PGM2L1: variants seen among roughly 807,000 people sequenced by gnomAD.
PGM2L1 encodes glucose 1,6-bisphosphate synthase.
In PGM2L1, 35 loss-of-function variants were observed where a neutral mutation model predicts 73.4. That is an observed-to-expected ratio of 0.48 (90% CI 0.36 to 0.63). The LOEUF is 0.63. PGM2L1 is among the 30% of genes least tolerant of loss of function. The pLI is 0.00. For missense variants in PGM2L1, 570 were observed against 742.0 expected (o/e 0.77, Z 2.69); for synonymous variants, 225 against 253.8 (o/e 0.89, Z 1.08).
rs191856556 is a variant in PGM2L1, at chr11:74,364,532, C to T, written c.555+3960G>A. Among the ~76,000 whole-genome samples, 1,386 of 152,300 alleles carry T rather than the reference C, an allele frequency of 9.1e-3. 25 individuals are homozygous for T. Among genetic ancestry groups the T allele is most frequent in the African/African-American group, 0.03 (1,231 of 41,542 alleles). On this transcript the variant is annotated intron_variant, in intron 5 of 13. Transcript: ENST00000298198. ...TCAGCAAAGTCTCAGGATACAAAAT[C>T]AATGTGGAAAAATCACAAGCATTCT...
intron 5 of PGM2L1, among the ~76,000 whole-genome samples, chr11:74,356,641 T>TAA (rs1432686322): frequency 1.3e-5 from 2 of 152,122 alleles, no homozygotes; most frequent in African/African-American, 4.8e-5. Context: ...AAAAATATCA[T>TAA]AAATAAAGTC....
Position 74,330,367 on chromosome 11 carries a change from C to T in PGM2L1, c.*6285G>A, listed in dbSNP as rs575156843. On this transcript the variant is annotated 3_prime_UTR_variant, in exon 14 of 14. Transcript: ENST00000298198. ...ATAACACTTCATTTGGCTAAAACCA[C>T]AAGAAATCCACACACAAATACATAA... 1 of 152,724 alleles carries T rather than the reference C, an allele frequency of 6.5e-6. No individual in the cohort carries two copies. The highest frequency in any genetic ancestry group is 2.1e-4 in the South Asian group (1 of 4,820). The allele number at this position is 152,724 out of a possible 1,614,324, so 9.5% of individuals were successfully genotyped here.
At chr11:74,397,398 TA>T (rs1415486377) in intron 1 of PGM2L1, among the ~76,000 whole-genome samples, 3 of 152,140 alleles carry the variant, frequency 2.0e-5, no homozygotes, top group African/African-American at 7.2e-5. Flanking sequence ...AAGTAATGGT[TA>T]AGGCAAAAAC....
intron 6 of PGM2L1, among the ~76,000 whole-genome samples, chr11:74,348,693 G>A (rs1738852352): frequency 6.6e-6 from 1 of 152,114 alleles, no homozygotes; most frequent in Admixed American, 6.5e-5. Flanking sequence ...ATCTGTAAAT[G>A]TTCCTCCCTT....
intron 1 of PGM2L1, among the ~76,000 whole-genome samples, chr11:74,391,864 G>A (rs1863107309): frequency 2.0e-5 from 3 of 152,108 alleles, no homozygotes; most frequent in African/African-American, 7.2e-5. Flanking sequence ...TATACAATAT[G>A]TTTTCTGCCA....
At chr11:74,356,135 ATTCC>A (rs1470885405) in intron 5 of PGM2L1, among the ~76,000 whole-genome samples, 1 of 152,012 alleles carries the variant, frequency 6.6e-6, no homozygotes, top group Non-Finnish European at 1.5e-5. Flanking sequence ...TGAAGTTAGA[ATTCC>A]TTCAGGGTGA....
chr11:74,395,115 CTAT>C (rs1307104136), intron 1 of PGM2L1, among the ~76,000 whole-genome samples: 1 of 152,064 alleles, frequency 6.6e-6, no homozygotes, highest in African/African-American at 2.4e-5. Context: ...GTATTCTCTC[CTAT>C]TAAGAGAGGA....
Position 74,343,349 on chromosome 11 carries a change from A to T in PGM2L1, c.1286T>A (p.Val429Asp). ...IIDLLENGKE[V>D]LFAFEESIGF... is the part of the protein sequence containing the mutation. ...AATAGACTCTTCAAATGCAAAAAGG[A>T]CTTCTTTCCCATTTTCCAGGAGGTC... The change falls in exon 10 of 14, where the codon GTC becomes GAC. Residue 429 changes from valine to aspartate, a missense_variant. Transcript: ENST00000298198. 1 of 1,608,448 alleles carries T rather than the reference A, an allele frequency of 6.2e-7. No homozygotes were observed. Among genetic ancestry groups the T allele is most frequent in the Non-Finnish European group, 8.5e-7 (1 of 1,178,560 alleles).
chr11:74,348,401 A>G (rs1862301190), intron 6 of PGM2L1, among the ~76,000 whole-genome samples: 2 of 152,190 alleles, frequency 1.3e-5, no homozygotes, highest in Non-Finnish European at 2.9e-5. Context: ...AACACCATAT[A>G]CCCATTACCT....
intron 1 of PGM2L1, among the ~76,000 whole-genome samples, chr11:74,395,687 G>A (rs932816840): frequency 7.3e-5 from 11 of 149,982 alleles, no homozygotes; most frequent in African/African-American, 2.2e-4. Context: ...CATTACAAGC[G>A]TGAGCCACCG....
At chr11:74,393,335 A>G (rs763631276) in intron 1 of PGM2L1, among the ~76,000 whole-genome samples, 1 of 152,168 alleles carries the variant, frequency 6.6e-6, no homozygotes, top group African/African-American at 2.4e-5. Context: ...AAGCTCCCCA[A>G]CTGGATAATG....
chr11:74,357,492 A>G (rs1862477279), intron 5 of PGM2L1, among the ~76,000 whole-genome samples: 1 of 152,238 alleles, frequency 6.6e-6, no homozygotes, highest in African/African-American at 2.4e-5. Flanking sequence ...CTGCACACCT[A>G]TTAGAATGGC....
intron 6 of PGM2L1, among the ~76,000 whole-genome samples, chr11:74,350,897 A>G (rs963176488): frequency 6.8e-6 from 1 of 146,334 alleles, no homozygotes; most frequent in African/African-American, 2.5e-5. Context: ...GAAAGAAAGA[A>G]AGAGAGAGAG....
intron 5 of PGM2L1, among the ~76,000 whole-genome samples, chr11:74,360,578 C>T (rs986271905): frequency 1.3e-5 from 2 of 152,088 alleles, no homozygotes; most frequent in Non-Finnish European, 2.9e-5. Context: ...GTGGGTGCAG[C>T]CCATCGAGTG....
chr11:74,365,925 C>T (rs1375482891), intron 5 of PGM2L1, among the ~76,000 whole-genome samples: 18 of 152,128 alleles, frequency 1.2e-4, no homozygotes, highest in East Asian at 3.9e-4. Flanking sequence ...ATGTTTATTG[C>T]GGCACTATTC....
chr11:74,343,515 T>C, intron 9 of PGM2L1, 99 bp from the exon 10 acceptor site: 1 of 1,505,776 alleles, frequency 6.6e-7, no homozygotes, highest in Non-Finnish European at 8.8e-7. Flanking sequence ...CATATAATGA[T>C]CCTTACTATA....
At chr11:74,358,330 A>T (rs1267595328) in intron 5 of PGM2L1, among the ~76,000 whole-genome samples, 2 of 152,240 alleles carry the variant, frequency 1.3e-5, no homozygotes, top group South Asian at 2.1e-4. Context: ...AAAGTTTGTT[A>T]AAAAAAATCC....
chr11:74,392,596 A>G (rs1178224220), intron 1 of PGM2L1, among the ~76,000 whole-genome samples: 1 of 151,406 alleles, frequency 6.6e-6, no homozygotes, highest in Non-Finnish European at 1.5e-5. Context: ...GCTGGAGTGC[A>G]GTGGCGCGAT....
intron 5 of PGM2L1, among the ~76,000 whole-genome samples, chr11:74,353,982 C>T (rs534006164): frequency 1.3e-5 from 2 of 151,924 alleles, no homozygotes; most frequent in Admixed American, 6.6e-5. Context: ...GTCCTGAAAG[C>T]TCACGTGAAA....
Sources: allele counts gnomAD v4.1 joint callset (sites outside exome capture counted in the v4.1 genomes callset), GRCh38; gene constraint gnomAD v4.1.1; transcripts MANE v1.5; gene names NCBI Gene and HGNC (gene_info 2026-07-23, HGNC 2026-07-21).